The following RARG variants were observed in gnomAD, a reference collection of about 807,000 sequenced individuals.
The protein encoded by RARG is retinoic acid receptor gamma.
A neutral mutation model predicts 43.7 loss-of-function variants in RARG; 17 were observed. That is an observed-to-expected ratio of 0.39 (90% CI 0.27 to 0.58). RARG has a LOEUF of 0.58. Ranked by LOEUF, RARG falls within the 20% of genes least tolerant of loss-of-function variation. The pLI is 0.57. For missense variants in RARG, 346 were observed against 598.7 expected (o/e 0.58, Z 4.40); for synonymous variants, 238 against 236.4 (o/e 1.01, Z -0.06).
In RARG at chr12:53,213,290, G is replaced by A. The variant is rs761774720; in HGVS notation, c.1019-47C>T. 9.2e-6 allele frequency: 14 copies of A among 1,516,786 alleles called. No individual in the cohort carries two copies. In the South Asian group the frequency reaches 1.5e-4, roughly 16 times the overall value. 94.0% of individuals were successfully genotyped at this position (1,516,786 alleles called of 1,614,324 possible). On this transcript the variant is annotated intron_variant, in intron 8 of 9. Transcript: ENST00000425354. The surrounding 1 kb of genome is among the most constrained non-coding windows in gnomAD (Gnocchi z 4.7). ...AGTGAGAGGGGAAGGAAGAGATGGG[G>A]AAGACACAGTGACAGATGGCTGATC...
At chr12:53,226,899 A>C (rs1294572768) in intron 3 of RARG, among the ~76,000 whole-genome samples, 2 of 152,136 alleles carry the variant, frequency 1.3e-5, no homozygotes, top group African/African-American at 2.4e-5. Flanking sequence ...GGCGTTAGCC[A>C]CTGCACCCAA....
In RARG at chr12:53,215,273, A is replaced by T; in HGVS notation, c.475+20T>A. 6.2e-7 allele frequency: 1 copy of T among 1,613,070 alleles called. No homozygotes were observed. On this transcript the variant is annotated intron_variant, in intron 5 of 9. Coordinates refer to ENST00000425354, the MANE Select transcript of RARG (RefSeq NM_000966.6). The surrounding 1 kb of genome is among the most constrained non-coding windows in gnomAD (Gnocchi z 6.4). The stretch of plus-strand genomic sequence containing the variant: ...GGTAGGACCGAAGTGCTCCTGCCCA[A>T]GCCAAGGATGGCAGCCTACCTTCCT...
intron 3 of RARG, among the ~76,000 whole-genome samples, chr12:53,225,961 C>T (rs938513235): frequency 3.3e-5 from 5 of 152,234 alleles, no homozygotes; most frequent in Non-Finnish European, 7.3e-5. Context: ...GGAACACCCC[C>T]TCTGCCTCTC....
rs61754163 is a variant in RARG at position 53,211,712 on chromosome 12, C to T, written c.1329G>A (p.Gly443=). The change falls in exon 10 of 10, where the codon GGG becomes GGA. Residue 443 remains glycine, a synonymous_variant. Transcript: ENST00000425354. The surrounding 1 kb of genome is among the most constrained non-coding windows in gnomAD (Gnocchi z 4.6). Reference sequence around the variant, plus strand: ...ACTTCAGGCCCCCTTTGCCCTGGCCCCCAGGAACCTCATCCTCGCTAGAGG... The same window carrying T: ...ACTTCAGGCCCCCTTTGCCCTGGCCTCCAGGAACCTCATCCTCGCTAGAGG... ...PNASSEDEVP[G]GQGKGGLKSP... 111,492 of 1,558,070 alleles carry T rather than the reference C, an allele frequency of 0.072. 4,488 individuals carry two copies. Among genetic ancestry groups the T allele is most frequent in the Non-Finnish European group, 0.084 (96,636 of 1,153,270 alleles).
At position 53,211,572 on chromosome 12, in the gene RARG, G is replaced by C. The variant is rs1479250288; in HGVS notation, c.*104C>G. On this transcript the variant is annotated 3_prime_UTR_variant, in exon 10 of 10. Coordinates refer to ENST00000425354, the MANE Select transcript of RARG (RefSeq NM_000966.6). The surrounding 1 kb of genome is among the most constrained non-coding windows in gnomAD (Gnocchi z 4.6). ...ACAAGGAGCTCATTGGAAGGGGTGGGGAGAGGGCAGAGCAGGTCCTCCCCC... is the reference window on the plus strand; with the variant it reads ...ACAAGGAGCTCATTGGAAGGGGTGGCGAGAGGGCAGAGCAGGTCCTCCCCC... 3 of 1,114,080 alleles carry C rather than the reference G, an allele frequency of 2.7e-6. No homozygotes were observed. Among genetic ancestry groups the C allele is most frequent in the Non-Finnish European group, 3.6e-6 (3 of 841,116 alleles). 69.0% of individuals were successfully genotyped at this position (1,114,080 alleles called of 1,614,324 possible). A position where few individuals can be genotyped will look rare whatever the true frequency, so the allele number is the denominator to read the frequency against.
At chr12:53,222,026 G>A (rs1189477232) in intron 3 of RARG, among the ~76,000 whole-genome samples, 1 of 151,968 alleles carries the variant, frequency 6.6e-6, no homozygotes, top group Non-Finnish European at 1.5e-5. Context: ...GAGGGGCGGG[G>A]GGCTGCCGGG....
At chr12:53,221,837 C>T (rs1942973859) in intron 3 of RARG, among the ~76,000 whole-genome samples, 1 of 151,594 alleles carries the variant, frequency 6.6e-6, no homozygotes, top group African/African-American at 2.4e-5. Context: ...GGGAGCGGCG[C>T]CCGGCCCGGC....
chr12:53,216,016 G>C (rs980515740), intron 3 of RARG, among the ~76,000 whole-genome samples: 2 of 152,150 alleles, frequency 1.3e-5, no homozygotes, highest in Non-Finnish European at 2.9e-5. Flanking sequence ...ACCCTCCACA[G>C]TCTAACCAAC....
At chr12:53,220,232 A>T (rs758920615) in intron 3 of RARG, 4 of 743,704 alleles carry the variant, frequency 5.4e-6, no homozygotes, top group South Asian at 1.5e-5. Flanking sequence ...GCTGGGCTGC[A>T]TGCGGGTAAG....
intron 3 of RARG, among the ~76,000 whole-genome samples, chr12:53,221,187 G>A (rs1273888828): frequency 1.4e-5 from 2 of 141,538 alleles, no homozygotes; most frequent in African/African-American, 2.6e-5. Flanking sequence ...CGCAGCCAGA[G>A]TCTACCCCTC....
rs1943142846 is a variant in RARG, at chr12:53,227,787, G to A, written c.-142-100C>T. ...AGTTGCAGTCTTCTCCCTCTGTGCT[G>A]CTACAGTTTATCCTGCCCTGGCTCA... On this transcript the variant is annotated intron_variant, in intron 2 of 9. Coordinates refer to ENST00000425354, the MANE Select transcript of RARG (RefSeq NM_000966.6). This position sits in a 1 kb window ranked among gnomAD's most constrained non-coding sequence, Gnocchi z 4.3. 2.2e-6 allele frequency: 2 copies of A among 910,834 alleles called. No individual in the cohort carries two copies. The highest frequency in any genetic ancestry group is 2.9e-6 in the Non-Finnish European group (2 of 690,694). 56.4% of individuals were successfully genotyped at this position (910,834 alleles called of 1,614,324 possible). A position where few individuals can be genotyped will look rare whatever the true frequency, so the allele number is the denominator to read the frequency against.
chr12:53,220,501 G>A (rs1942926977), intron 3 of RARG: 4 of 453,564 alleles, frequency 8.8e-6, no homozygotes, highest in African/African-American at 8.0e-5. Context: ...CGCGGCGCGC[G>A]CGCTTGCTTA....
chr12:53,226,148 A>T (rs1363193218), intron 3 of RARG, among the ~76,000 whole-genome samples: 1 of 152,094 alleles, frequency 6.6e-6, no homozygotes. Context: ...TCTCTCTCTC[A>T]GACAGAATCT....
In RARG at chr12:53,227,670, A is replaced by G; in HGVS notation, c.-125T>C. The G allele has an allele frequency of 7.6e-7, 1 of 1,322,854 alleles. No homozygotes were observed. The highest frequency in any genetic ancestry group is 9.7e-7 in the Non-Finnish European group (1 of 1,033,624). The allele number at this position is 1,322,854 out of a possible 1,614,324, so 81.9% of individuals were successfully genotyped here. ...CGTACCCGCCCTGCCTGGCCTGCCC[A>G]CTGGGCCTCCAAAAGTCCTAGGGAG... On this transcript the variant is annotated 5_prime_UTR_variant, in exon 3 of 10. Coordinates refer to ENST00000425354, the MANE Select transcript of RARG (RefSeq NM_000966.6). This position sits in a 1 kb window ranked among gnomAD's most constrained non-coding sequence, Gnocchi z 4.3.
Position 53,227,697 on chromosome 12 carries a change from AAG to A in RARG, c.-142-12_-142-11del, listed in dbSNP as rs1364070426. ...TGGGCCTCCAAAAGTCCTAGGGAGA[AAG>A]AGAGAGAAAGGAGAGATGAGAGAAT... On this transcript the variant is annotated splice_polypyrimidine_tract_variant and intron_variant, in intron 2 of 9. Transcript: ENST00000425354. This position sits in a 1 kb window ranked among gnomAD's most constrained non-coding sequence, Gnocchi z 4.3. 9 of 1,268,292 alleles carry A rather than the reference AAG, an allele frequency of 7.1e-6. No individual in the cohort carries two copies. The East Asian group carries it at 1.9e-4, about 26-fold the overall frequency. The allele number at this position is 1,268,292 out of a possible 1,614,324, so 78.6% of individuals were successfully genotyped here.
At chr12:53,217,033 C>T (rs1310651023) in intron 3 of RARG, among the ~76,000 whole-genome samples, 6 of 152,044 alleles carry the variant, frequency 3.9e-5, no homozygotes, top group African/African-American at 1.5e-4. Context: ...CCTCTGCAGC[C>T]CACCTGGTCA....
rs746144669 is a variant in RARG, at chr12:53,213,707, G to A, written c.814-7C>T. 4 of 1,607,168 alleles carry A rather than the reference G, an allele frequency of 2.5e-6. No homozygotes were observed. Among genetic ancestry groups the A allele is most frequent in the South Asian group, 2.2e-5 (2 of 90,824 alleles). On this transcript the variant is annotated splice_region_variant and splice_polypyrimidine_tract_variant and intron_variant, in intron 7 of 9. Coordinates refer to ENST00000425354, the MANE Select transcript of RARG (RefSeq NM_000966.6). The surrounding 1 kb of genome is among the most constrained non-coding windows in gnomAD (Gnocchi z 4.7). ...TTGTGCAGATACGCAGCATCTGGAG[G>A]TGGGGGGTGGAGGAGGGTTAGTGCT...
chr12:53,220,940 G>C (rs1366453758), intron 3 of RARG, among the ~76,000 whole-genome samples: 1 of 151,860 alleles, frequency 6.6e-6, no homozygotes, highest in Non-Finnish European at 1.5e-5. Context: ...CTCGCCCTCC[G>C]CGCGCCCGCT....
chr12:53,215,703 C>T lies in RARG; in HGVS notation c.276G>A (p.Val92=). ...PPPRVYKPCF[V]CNDKSSGYHY... ...GGTAGCCAGAGGACTTGTCATTGCACACGAAGCATGGCTTGTAGACCCGAG... is the reference window on the plus strand; with the variant it reads ...GGTAGCCAGAGGACTTGTCATTGCATACGAAGCATGGCTTGTAGACCCGAG... Residue 92 remains valine (V), a synonymous_variant, in exon 4 of 10, where the codon GTG becomes GTA. Coordinates refer to ENST00000425354, the MANE Select transcript of RARG (RefSeq NM_000966.6). This position sits in a 1 kb window ranked among gnomAD's most constrained non-coding sequence, Gnocchi z 6.4. 6.2e-7 allele frequency: 1 copy of T among 1,613,866 alleles called. No individual in the cohort carries two copies. The highest frequency in any genetic ancestry group is 8.5e-7 in the Non-Finnish European group (1 of 1,179,958).
Sources: gnomAD v4.1 joint callset for allele counts (sites outside exome capture counted in the v4.1 genomes callset) on GRCh38, gnomAD v4.1.1 for gene constraint, Gnocchi (gnomAD v3.1) non-coding constraint, MANE v1.5 for transcripts, NCBI Gene and HGNC (gene_info 2026-07-23, HGNC 2026-07-21) for gene names.